The following VIRMA variants were observed in gnomAD, a reference collection of about 807,000 sequenced individuals.
VIRMA encodes the protein vir like m6A methyltransferase associated.
VIRMA carries 65 observed loss-of-function variants against 182.4 expected under a neutral mutation model. That is an observed-to-expected ratio of 0.36 (90% CI 0.29 to 0.44). The LOEUF (loss-of-function observed/expected upper bound fraction) is 0.44, where lower values mean the gene tolerates loss of function less well. Among genes scored for constraint, VIRMA ranks in the 20% least tolerant of loss-of-function variants. The pLI, the probability that VIRMA is intolerant of heterozygous loss-of-function variation, is 1.00. For synonymous variants in VIRMA, 709 were observed against 743.1 expected (o/e 0.95, Z 0.75); for missense variants, 1,752 against 2,158.1 (o/e 0.81, Z 3.73).
chr8:94,488,650 T>C lies in VIRMA; in HGVS notation c.*56A>G. On this transcript the variant is annotated 3_prime_UTR_variant, in exon 24 of 24. Transcript: ENST00000297591. Reference sequence around the variant, plus strand: ...TCTAAATTGGTCCTTCAATGTCTTATTTTTATTGTCCTCGTGAAATGTTCA... The same window carrying C: ...TCTAAATTGGTCCTTCAATGTCTTACTTTTATTGTCCTCGTGAAATGTTCA... 6 of 1,550,776 alleles carry C rather than the reference T, an allele frequency of 3.9e-6. No individual in the cohort carries two copies. The East Asian group carries it at 9.0e-5, about 23-fold the overall frequency.
rs112998318 is a variant in VIRMA, at chr8:94,489,979, G to A, written c.5244C>T (p.Asn1748=). ...NESRGGQSNF[N]RGPLPPLRPL... ...GTCGTAATGGTGGAAGAGGGCCTCT[G>A]TTAAAATTGCTCTGGCCTCCACGAC... Residue 1748 remains asparagine (N), a synonymous_variant, in exon 23 of 24, where the codon AAC becomes AAT. Transcript: ENST00000297591. 1 of 1,614,174 alleles carries A rather than the reference G, an allele frequency of 6.2e-7. No individual in the cohort carries two copies. Among genetic ancestry groups the A allele is most frequent in the Non-Finnish European group, 8.5e-7 (1 of 1,180,036 alleles).
chr8:94,504,694 T>C (rs1814096332), intron 16 of VIRMA, among the ~76,000 whole-genome samples: 1 of 152,144 alleles, frequency 6.6e-6, no homozygotes, highest in Non-Finnish European at 1.5e-5. Context: ...GATAGTGGCC[T>C]GGATAAAGGT....
At chr8:94,492,304 GAC>G in intron 21 of VIRMA, among the ~76,000 whole-genome samples, 1 of 145,618 alleles carries the variant, frequency 6.9e-6, no homozygotes. Flanking sequence ...TTTTTTGAGA[GAC>G]AGAGTCTTGC....
At position 94,489,834 on chromosome 8, in the gene VIRMA, T is replaced by C. The variant is rs541264667; in HGVS notation, c.5284+105A>G. On this transcript the variant is annotated intron_variant, in intron 23 of 23. Transcript: ENST00000297591. ...TTTTTGACTGTGTGGAGCAAGGAGA[T>C]GGGGAGATTAGCACCCCTAGCCCCC... 14 of 1,237,260 alleles carry C rather than the reference T, an allele frequency of 1.1e-5. No homozygotes were observed. In the African/African-American group the frequency reaches 1.4e-4, roughly 12 times the overall value. 76.6% of individuals were successfully genotyped at this position (1,237,260 alleles called of 1,614,324 possible).
Position 94,506,704 on chromosome 8 carries a change from A to T in VIRMA, c.3893T>A (p.Ile1298Asn). 6.2e-7 allele frequency: 1 copy of T among 1,612,854 alleles called. No individual in the cohort carries two copies. Residue 1298 changes from isoleucine (I) to asparagine (N), a missense_variant, in exon 16 of 24, where the codon ATC becomes AAC. Around this residue, in one of 11 missense-constraint regions of VIRMA, gnomAD observed 777 missense variants for 920.6 expected, o/e 0.84. Transcript: ENST00000297591. ...AGAACCTTCAGAAGAGCTTGGTAAGATAAGTGCAATGTCCTGTGGGGAGCA... is the reference window on the plus strand; with the variant it reads ...AGAACCTTCAGAAGAGCTTGGTAAGTTAAGTGCAATGTCCTGTGGGGAGCA... ...QSLCDQDIAL[I>N]LPSSSEGSIS... is the part of the protein sequence containing the mutation.
Position 94,529,204 on chromosome 8 carries a change from TCTC to T in VIRMA, c.743_745del (p.Gly248del). The T allele has an allele frequency of 6.7e-7, 1 of 1,500,036 alleles. No individual in the cohort carries two copies. The highest frequency in any genetic ancestry group is 9.3e-7 in the Non-Finnish European group (1 of 1,076,402). 92.9% of individuals were successfully genotyped at this position (1,500,036 alleles called of 1,614,324 possible). On this transcript the variant is annotated inframe_deletion, in exon 7 of 24. Coordinates refer to ENST00000297591, the MANE Select transcript of VIRMA (RefSeq NM_015496.5). Reference sequence around the variant, plus strand: ...TACATCCACATCATCTTCATCTTCTTCTCCTTCTTCTTGTTGTTCCTCTTCTAC... The same window carrying T: ...TACATCCACATCATCTTCATCTTCTTCTTCTTCTTGTTGTTCCTCTTCTAC...
At chr8:94,499,543 A>C in intron 16 of VIRMA, 37 bp from the exon 17 acceptor site, 1 of 1,309,244 alleles carries the variant, frequency 7.6e-7, no homozygotes, top group Non-Finnish European at 1.1e-6. Context: ...ATATTATCTT[A>C]AAATATGAGC....
At chr8:94,548,301 A>G (rs1240841972) in intron 1 of VIRMA, among the ~76,000 whole-genome samples, 1 of 151,218 alleles carries the variant, frequency 6.6e-6, no homozygotes, top group Admixed American at 6.6e-5. Context: ...TGTACAACAC[A>G]TTGTTAGGTG....
At position 94,532,022 on chromosome 8, in the gene VIRMA, T is replaced by C. The variant is rs143573314; in HGVS notation, c.485-937A>G. Among the ~76,000 whole-genome samples the C allele has an allele frequency of 1.6e-4, 24 of 152,242 alleles. No individual in the cohort carries two copies. In the East Asian group the frequency reaches 4.6e-3, roughly 29 times the overall value. ...ATTAGTGGCTGCCAAAGGCTAGAGATGGGTGGGATGAATAGGGCTATAAAG... is the reference window on the plus strand; with the variant it reads ...ATTAGTGGCTGCCAAAGGCTAGAGACGGGTGGGATGAATAGGGCTATAAAG... On this transcript the variant is annotated intron_variant, in intron 5 of 23. Transcript: ENST00000297591.
At chr8:94,523,517 C>CT (rs1814845762) in intron 8 of VIRMA, among the ~76,000 whole-genome samples, 1 of 151,966 alleles carries the variant, frequency 6.6e-6, no homozygotes, top group Non-Finnish European at 1.5e-5. Context: ...TCAAGCAATC[C>CT]TCCCACCTCA....
chr8:94,549,982 A>G (rs1815915511), intron 1 of VIRMA, among the ~76,000 whole-genome samples: 1 of 152,024 alleles, frequency 6.6e-6, no homozygotes. Flanking sequence ...CTGTAGTCCC[A>G]GCTACTCGGG....
chr8:94,530,829 T>A (rs976717490), intron 6 of VIRMA, 134 bp downstream of exon 6: 7 of 844,988 alleles, frequency 8.3e-6, no homozygotes, highest in Non-Finnish European at 1.2e-5. Flanking sequence ...AGAGGATCAC[T>A]TAAGCCCAGG....
chr8:94,542,058 T>C (rs1193143494), intron 2 of VIRMA, among the ~76,000 whole-genome samples: 1 of 152,210 alleles, frequency 6.6e-6, no homozygotes, highest in African/African-American at 2.4e-5. Flanking sequence ...TCCAGTTTGC[T>C]TGCTATGGTA....
chr8:94,546,348 G>A (rs888137684), intron 1 of VIRMA, among the ~76,000 whole-genome samples: 11 of 150,798 alleles, frequency 7.3e-5, no homozygotes, highest in Non-Finnish European at 8.8e-5. Flanking sequence ...CATTAGTGAT[G>A]GCATCACCAT....
At chr8:94,527,739 G>A (rs1191405210) in intron 7 of VIRMA, among the ~76,000 whole-genome samples, 1 of 148,138 alleles carries the variant, frequency 6.8e-6, no homozygotes, top group Non-Finnish European at 1.5e-5. Context: ...GTCCTCTTGA[G>A]AGATTATTTT....
At chr8:94,553,177 G>A (rs545363957) in intron 1 of VIRMA, among the ~76,000 whole-genome samples, 2 of 152,142 alleles carry the variant, frequency 1.3e-5, no homozygotes, top group South Asian at 4.2e-4. Context: ...CCAAAGACAC[G>A]GAGGGCCCAA....
chr8:94,526,989 G>C lies in VIRMA; in HGVS notation c.1255C>G (p.Gln419Glu), dbSNP rs1171295571. The change falls in exon 8 of 24, where the codon CAA (glutamine) becomes GAA (glutamate). Residue 419 changes from glutamine to glutamate, a missense_variant. Gln to Glu is a conservative substitution (Grantham distance 29, BLOSUM62 2). Coordinates refer to ENST00000297591, the MANE Select transcript of VIRMA (RefSeq NM_015496.5). ...SLIIKGLSYLQLKNTKQDSLG... is the reference protein window; with the variant it reads ...SLIIKGLSYLELKNTKQDSLG... Reference sequence around the variant, plus strand: ...GAGTCTTGTTTTGTGTTTTTCAATTGCAAATAGCTTAACCCTTTTATTATT... The same window carrying C: ...GAGTCTTGTTTTGTGTTTTTCAATTCCAAATAGCTTAACCCTTTTATTATT... 1 of 1,614,028 alleles carries C rather than the reference G, an allele frequency of 6.2e-7. No individual in the cohort carries two copies. The highest frequency in any genetic ancestry group is 1.3e-5 in the African/African-American group (1 of 74,926).
rs1197822693 is a variant in VIRMA, at chr8:94,527,346, G to A, written c.898C>T (p.Gln300Ter). ...ATTCCATCTTCATCACTGGAAATTT[G>A]TTCATAACCATCATCCCCTGAAAAT... is the stretch of plus-strand genomic sequence containing the variant. The part of the protein sequence containing the change: ...EEGEGDDGYE[Q>*]ISSDEDGIAD... Residue 300 changes from glutamine (Q) to a stop codon, truncating the protein, a stop_gained, in exon 8 of 24, where the codon CAA becomes TAA. Transcript: ENST00000297591. LOFTEE classifies it high-confidence loss of function. 6.4e-7 allele frequency: 1 copy of A among 1,572,420 alleles called. No individual in the cohort carries two copies.
rs6150715 is a variant in VIRMA at position 94,500,052 on chromosome 8, CAAAAAAAAAAAA to C, written c.4098-558_4098-547del. Among the ~76,000 whole-genome samples, 72 of 82,526 alleles carry C rather than the reference CAAAAAAAAAAAA, an allele frequency of 8.7e-4. 1 individual carries two copies. In the East Asian group the frequency reaches 0.021, roughly 24 times the overall value. 54.1% of individuals were successfully genotyped at this position (82,526 alleles called of 152,430 possible). On this transcript the variant is annotated intron_variant, in intron 16 of 23. Transcript: ENST00000297591. ...TGAAGGACAGAGTGAGGCTTCATCT[CAAAAAAAAAAAA>C]AAAAAAAAAACTTAACACAGAAAAC...
Sources: allele counts gnomAD v4.1 joint callset (sites outside exome capture counted in the v4.1 genomes callset), GRCh38; gene constraint gnomAD v4.1.1; regional missense constraint gnomAD v4.1.1; transcripts MANE v1.5; gene names NCBI Gene and HGNC (gene_info 2026-07-23, HGNC 2026-07-21).